The following PCSK2 variants were observed in gnomAD, a reference collection of about 807,000 sequenced individuals.
The protein encoded by PCSK2 is proprotein convertase subtilisin/kexin type 2, also known as neuroendocrine convertase 2.
PCSK2 carries 14 observed loss-of-function variants against 69.7 expected under a neutral mutation model. The ratio of observed to expected loss-of-function variants is 0.20; its 90% CI spans 0.13 to 0.31. The LOEUF (loss-of-function observed/expected upper bound fraction) is 0.31, where lower values mean the gene tolerates loss of function less well. Ranked by LOEUF, PCSK2 falls within the 10% of genes least tolerant of loss-of-function variation. PCSK2 has a pLI of 1.00. For missense variants in PCSK2, 544 were observed against 842.5 expected, an observed-to-expected ratio of 0.65 and a Z score of 4.39; for synonymous variants, 307 against 320.7, an observed-to-expected ratio of 0.96 and a Z score of 0.46.
chr20:17,439,189 G>A (rs1489835642), intron 8 of PCSK2, among the ~76,000 whole-genome samples: 3 of 151,884 alleles, frequency 2.0e-5, no homozygotes, highest in Non-Finnish European at 4.4e-5. Context: ...AGGCTGGAGT[G>A]CAGTGGCACA....
intron 2 of PCSK2, among the ~76,000 whole-genome samples, chr20:17,275,222 G>A (rs986632879): frequency 3.3e-5 from 5 of 151,802 alleles, no homozygotes; most frequent in Admixed American, 2.6e-4. Context: ...AAAAGAAGTA[G>A]GCTTTTCCAA....
chr20:17,394,884 C>T (rs1327258959), intron 5 of PCSK2, among the ~76,000 whole-genome samples: 2 of 152,150 alleles, frequency 1.3e-5, no homozygotes, highest in African/African-American at 4.8e-5. Context: ...GGCTTCAAAA[C>T]CAATTAAAAT....
intron 5 of PCSK2, among the ~76,000 whole-genome samples, chr20:17,404,836 A>G (rs1302305235): frequency 6.6e-6 from 1 of 152,238 alleles, no homozygotes; most frequent in Non-Finnish European, 1.5e-5. Flanking sequence ...CACTTTGTAA[A>G]TACTTTAGGC....
chr20:17,277,164 A>C (rs540603604), intron 2 of PCSK2, among the ~76,000 whole-genome samples: 97 of 152,294 alleles, frequency 6.4e-4, no homozygotes, highest in African/African-American at 2.2e-3. Flanking sequence ...TATAGATTCA[A>C]TGCCATCCCC....
intron 6 of PCSK2, among the ~76,000 whole-genome samples, chr20:17,421,738 T>C (rs1205218840): frequency 6.8e-6 from 1 of 146,732 alleles, no homozygotes; most frequent in Non-Finnish European, 1.5e-5. Context: ...TAGAAACTGG[T>C]TGTCAGAAAC....
intron 7 of PCSK2, among the ~76,000 whole-genome samples, chr20:17,433,275 A>G (rs1008978395): frequency 6.6e-6 from 1 of 152,266 alleles, no homozygotes; most frequent in Non-Finnish European, 1.5e-5. Flanking sequence ...AATGAATCTC[A>G]TAACACTGCA....
intron 7 of PCSK2, among the ~76,000 whole-genome samples, chr20:17,435,087 A>C (rs532941771): frequency 2.6e-5 from 4 of 152,284 alleles, no homozygotes; most frequent in African/African-American, 7.2e-5. Context: ...CTAACTGATA[A>C]CTGGGTGTTT....
chr20:17,351,767 G>C (rs1430991353), intron 2 of PCSK2, among the ~76,000 whole-genome samples: 1 of 152,062 alleles, frequency 6.6e-6, no homozygotes, highest in African/African-American at 2.4e-5. Flanking sequence ...AAACTGGAAG[G>C]ATTCCCCTTG....
At chr20:17,266,927 T>A (rs1166073619) in intron 2 of PCSK2, among the ~76,000 whole-genome samples, 1 of 152,130 alleles carries the variant, frequency 6.6e-6, no homozygotes. Context: ...GGAGGAAATG[T>A]GTGAGGGCCC....
chr20:17,467,790 C>G (rs992045819), intron 11 of PCSK2, among the ~76,000 whole-genome samples: 1 of 152,314 alleles, frequency 6.6e-6, no homozygotes, highest in Middle Eastern at 3.4e-3. Flanking sequence ...CACAAGTCTA[C>G]AGCAGGCACA....
intron 2 of PCSK2, among the ~76,000 whole-genome samples, chr20:17,279,169 G>A (rs985975362): frequency 3.9e-5 from 6 of 152,066 alleles, no homozygotes; most frequent in African/African-American, 1.4e-4. Flanking sequence ...TCCGCATTCC[G>A]ATGCAGAATG....
chr20:17,285,709 C>A (rs1988490193), intron 2 of PCSK2, among the ~76,000 whole-genome samples: 1 of 152,060 alleles, frequency 6.6e-6, no homozygotes, highest in Non-Finnish European at 1.5e-5. Flanking sequence ...CATGTACAAA[C>A]CCTGGATGGG....
chr20:17,454,008 T>A, intron 9 of PCSK2, 51 bp downstream of exon 9: 3 of 1,606,496 alleles, frequency 1.9e-6, no homozygotes, highest in Non-Finnish European at 2.5e-6. Flanking sequence ...TGCACCTCTG[T>A]GTCAGGGTGG....
intron 2 of PCSK2, among the ~76,000 whole-genome samples, chr20:17,344,240 G>T (rs1600507502): frequency 6.6e-6 from 1 of 152,324 alleles, no homozygotes; most frequent in South Asian, 2.1e-4. Context: ...TTGGTGTTTT[G>T]TCATTCGTGG....
chr20:17,349,182 A>G (rs1244508700), intron 2 of PCSK2, among the ~76,000 whole-genome samples: 2 of 151,992 alleles, frequency 1.3e-5, no homozygotes, highest in African/African-American at 4.8e-5. Context: ...CTTGCTGGAG[A>G]CCCCACAGCC....
chr20:17,444,306 A>G (rs1053845133), intron 8 of PCSK2, among the ~76,000 whole-genome samples: 1 of 152,166 alleles, frequency 6.6e-6, no homozygotes, highest in Non-Finnish European at 1.5e-5. Flanking sequence ...TTATCGGGGC[A>G]TGCACTGTTT....
chr20:17,369,305 A>C, intron 5 of PCSK2, 28 bp downstream of exon 5: 1 of 1,598,508 alleles, frequency 6.3e-7, no homozygotes, highest in Non-Finnish European at 8.6e-7. Flanking sequence ...TTGGTGGGGA[A>C]ACAGATGCAT....
intron 8 of PCSK2, among the ~76,000 whole-genome samples, chr20:17,450,185 C>T (rs973942711): frequency 5.9e-5 from 9 of 151,848 alleles, no homozygotes; most frequent in Non-Finnish European, 1.0e-4. Flanking sequence ...CCCGCCACCT[C>T]GCCCGGCTAA....
chr20:17,473,663 G>A (rs2123415297), intron 11 of PCSK2, among the ~76,000 whole-genome samples: 1 of 152,184 alleles, frequency 6.6e-6, no homozygotes, highest in Non-Finnish European at 1.5e-5. Context: ...AAATGCAAGT[G>A]AGCAAATGAA....
Sources: allele counts gnomAD v4.1 joint callset (sites outside exome capture counted in the v4.1 genomes callset), GRCh38; gene constraint gnomAD v4.1.1; transcripts MANE v1.5; gene names NCBI Gene and HGNC (gene_info 2026-07-23, HGNC 2026-07-21).